Variants in TMEM132C observed in about 807,000 individuals in gnomAD.
TMEM132C encodes the protein protein phosphatase 1, regulatory subunit 152.
TMEM132C carries 29 observed loss-of-function variants against 61.4 expected under a neutral mutation model. That is an observed-to-expected ratio of 0.47 (90% CI 0.35 to 0.64). The LOEUF (loss-of-function observed/expected upper bound fraction) is 0.64. Among genes scored for constraint, TMEM132C ranks in the 30% least tolerant of loss-of-function variants. The pLI is 0.00. For synonymous variants in TMEM132C, 656 were observed against 633.1 expected (o/e 1.04, Z -0.54); for missense variants, 1,408 against 1,476.9 (o/e 0.95, Z 0.76).
intron 4 of TMEM132C, among the ~76,000 whole-genome samples, chr12:128,646,652 A>C (rs530636402): frequency 6.6e-6 from 1 of 150,866 alleles, no homozygotes; most frequent in African/African-American, 2.4e-5. Context: ...AGCTCAGTCC[A>C]TCAGCGTTGG....
At position 128,326,979 on chromosome 12, in the gene TMEM132C, G is replaced by T. The variant is rs184122047; in HGVS notation, c.85+59492G>T. ...ACTATTTAAGTAAAATTTACTTTTA[G>T]TGGTGTAATTTTTCCTTTTAGGTTT... On this transcript the variant is annotated intron_variant, in intron 1 of 8. Transcript: ENST00000435159. This position sits in a 1 kb window ranked among gnomAD's most constrained non-coding sequence, Gnocchi z 5.6. Among the ~76,000 whole-genome samples the T allele has an allele frequency of 1.2e-3, 176 of 150,040 alleles. 19 individuals carry two copies. The highest frequency in any genetic ancestry group is 4.0e-3 in the African/African-American group (158 of 39,366).
chr12:128,388,589 C>T (rs932579568), intron 1 of TMEM132C, among the ~76,000 whole-genome samples: 3 of 152,168 alleles, frequency 2.0e-5, no homozygotes, highest in Admixed American at 1.3e-4. Flanking sequence ...CTGAGCTCCG[C>T]AGCCTCTGAC....
chr12:128,509,507 G>T (rs1337217942), intron 2 of TMEM132C, among the ~76,000 whole-genome samples: 1 of 152,154 alleles, frequency 6.6e-6, no homozygotes, highest in Non-Finnish European at 1.5e-5. Context: ...TGAAATCACA[G>T]CTGTTGAGTA....
chr12:128,485,497 GT>G (rs1410530105), intron 2 of TMEM132C, among the ~76,000 whole-genome samples: 2 of 152,120 alleles, frequency 1.3e-5, no homozygotes, highest in African/African-American at 4.8e-5. Context: ...CTCTTAAGTG[GT>G]TCTTAATTTG....
intron 2 of TMEM132C, among the ~76,000 whole-genome samples, chr12:128,540,175 T>C (rs1873685269): frequency 6.6e-6 from 1 of 152,226 alleles, no homozygotes; most frequent in South Asian, 2.1e-4. Flanking sequence ...TGTTCTTTTT[T>C]TAAGATATAG....
chr12:128,409,222 A>G (rs145776822), intron 1 of TMEM132C, among the ~76,000 whole-genome samples: 2 of 152,272 alleles, frequency 1.3e-5, no homozygotes, highest in South Asian at 2.1e-4. Flanking sequence ...ATATTCAAAT[A>G]GCAAGGAGGT....
intron 2 of TMEM132C, among the ~76,000 whole-genome samples, chr12:128,470,669 G>A (rs938194940): frequency 7.2e-5 from 11 of 152,160 alleles, no homozygotes; most frequent in Non-Finnish European, 1.3e-4. Context: ...ACTGGATTCC[G>A]TTCAGTCAAA....
chr12:128,443,801 T>C (rs1025344545), intron 2 of TMEM132C, among the ~76,000 whole-genome samples: 3 of 152,230 alleles, frequency 2.0e-5, no homozygotes, highest in Non-Finnish European at 4.4e-5. Context: ...GGCCTTTGTA[T>C]TGCTGTTCCA....
intron 2 of TMEM132C, among the ~76,000 whole-genome samples, chr12:128,533,911 T>TGCATACACACACAC (rs1270757035): frequency 1.3e-5 from 2 of 150,980 alleles, no homozygotes; most frequent in Non-Finnish European, 3.0e-5. Flanking sequence ...TGCACACACA[T>TGCATACACACACAC]GCATACACAC....
At chr12:128,323,390 C>A (rs1392433048) in intron 1 of TMEM132C, among the ~76,000 whole-genome samples, 1 of 152,210 alleles carries the variant, frequency 6.6e-6, no homozygotes. Flanking sequence ...GATTGTCAGG[C>A]GTGACGAAGC....
intron 1 of TMEM132C, among the ~76,000 whole-genome samples, chr12:128,329,732 C>T (rs1872622659): frequency 6.6e-6 from 1 of 152,152 alleles, no homozygotes; most frequent in African/African-American, 2.4e-5. Flanking sequence ...AGGAGGCTCC[C>T]AGAGCTGGAC....
intron 5 of TMEM132C, among the ~76,000 whole-genome samples, chr12:128,679,193 T>TGCTGAAA (rs1954615300): frequency 6.6e-6 from 1 of 152,248 alleles, no homozygotes; most frequent in Non-Finnish European, 1.5e-5. Flanking sequence ...CACTAAGCTC[T>TGCTGAAA]GCTGAGAGCT....
chr12:128,349,738 C>T (rs113212204), intron 1 of TMEM132C, among the ~76,000 whole-genome samples: 1,758 of 152,204 alleles, frequency 0.012, 35 homozygotes, highest in African/African-American at 0.04. Context: ...GATTTTTTCA[C>T]GTAATTTCTT....
chr12:128,406,750 A>G (rs975670145), intron 1 of TMEM132C, among the ~76,000 whole-genome samples: 2 of 152,190 alleles, frequency 1.3e-5, no homozygotes, highest in African/African-American at 4.8e-5. Context: ...CGAGTCAGGC[A>G]CTTGCTGAAC....
chr12:128,448,690 G>T (rs1168065636), intron 2 of TMEM132C, among the ~76,000 whole-genome samples: 1 of 152,182 alleles, frequency 6.6e-6, no homozygotes, highest in East Asian at 1.9e-4. Context: ...GAGTCAAACT[G>T]CTAAGGGACT....
At chr12:128,417,342 C>T (rs1270554719) in intron 2 of TMEM132C, among the ~76,000 whole-genome samples, 1 of 152,114 alleles carries the variant, frequency 6.6e-6, no homozygotes, top group Non-Finnish European at 1.5e-5. Flanking sequence ...TAGTCTCTAG[C>T]GTCTACCAGG....
In TMEM132C at chr12:128,531,622, C is replaced by G. The variant is rs1873309131; in HGVS notation, c.975-12335C>G. On this transcript the variant is annotated intron_variant, in intron 2 of 8. Transcript: ENST00000435159. ...GCACATACCTGCTCACATGCATGCACATACACATGACTTCTCTTAGGAAGT... is the reference window on the plus strand; with the variant it reads ...GCACATACCTGCTCACATGCATGCAGATACACATGACTTCTCTTAGGAAGT... 1.3e-5 allele frequency among the ~76,000 whole-genome samples: 2 copies of G among 152,266 alleles called. 1 individual carries two copies. Among genetic ancestry groups the G allele is most frequent in the South Asian group, 4.1e-4 (2 of 4,836 alleles).
At chr12:128,495,826 A>G (rs1871932299) in intron 2 of TMEM132C, among the ~76,000 whole-genome samples, 1 of 152,062 alleles carries the variant, frequency 6.6e-6, no homozygotes, top group African/African-American at 2.4e-5. Context: ...CATTTAGCCC[A>G]TTTACATTTA....
At chr12:128,398,104 G>A (rs1280019929) in intron 1 of TMEM132C, among the ~76,000 whole-genome samples, 1 of 152,196 alleles carries the variant, frequency 6.6e-6, no homozygotes, top group Non-Finnish European at 1.5e-5. Context: ...CCATCAGAGC[G>A]GATGCTGAGC....
Sources: allele counts gnomAD v4.1 joint callset (sites outside exome capture counted in the v4.1 genomes callset), GRCh38; gene constraint gnomAD v4.1.1; non-coding constraint Gnocchi (gnomAD v3.1); transcripts MANE v1.5; gene names NCBI Gene and HGNC (gene_info 2026-07-23, HGNC 2026-07-21).